The following THEMIS variants were observed in gnomAD, a reference collection of about 807,000 sequenced individuals.
THEMIS encodes thymocyte selection associated.
In THEMIS, 37 loss-of-function variants were observed where a neutral mutation model predicts 52.6. The observed-to-expected ratio is 0.70, with a 90% CI of 0.54 to 0.93. The LOEUF (loss-of-function observed/expected upper bound fraction) is 0.93, where lower values mean the gene tolerates loss of function less well. THEMIS is among the 40% of genes least tolerant of loss of function. The pLI is 0.00. For missense variants in THEMIS, 808 were observed against 763.1 expected (o/e 1.06, Z -0.69); for synonymous variants, 292 against 272.7 (o/e 1.07, Z -0.70).
At chr6:127,824,467 C>T (rs929998527) in intron 3 of THEMIS, among the ~76,000 whole-genome samples, 2 of 152,022 alleles carry the variant, frequency 1.3e-5, no homozygotes, top group East Asian at 3.8e-4. Flanking sequence ...TTCATAAACA[C>T]AGAGCTTATA....
intron 4 of THEMIS, among the ~76,000 whole-genome samples, chr6:127,752,385 T>G (rs958483668): frequency 9.0e-6 from 1 of 111,116 alleles, no homozygotes; most frequent in African/African-American, 3.3e-5. Context: ...TTTGGAAAAA[T>G]AAAATTAGCA....
At chr6:127,892,061 C>T (rs571197413) in intron 1 of THEMIS, among the ~76,000 whole-genome samples, 4 of 152,274 alleles carry the variant, frequency 2.6e-5, no homozygotes, top group Admixed American at 1.3e-4. Flanking sequence ...TCCCTGACCA[C>T]ATTAGTTTAC....
intron 1 of THEMIS, among the ~76,000 whole-genome samples, chr6:127,859,289 T>C (rs1295308085): frequency 6.6e-6 from 1 of 152,120 alleles, no homozygotes; most frequent in African/African-American, 2.4e-5. Flanking sequence ...AAAGCCTTCC[T>C]TGATCCCTAC....
At chr6:127,736,868 G>GA (rs1024080287) in intron 4 of THEMIS, among the ~76,000 whole-genome samples, 1 of 111,440 alleles carries the variant, frequency 9.0e-6, no homozygotes, top group Non-Finnish European at 2.1e-5. Flanking sequence ...AAAAAAAAAA[G>GA]AAAAAATATT....
intron 4 of THEMIS, among the ~76,000 whole-genome samples, chr6:127,752,551 AAG>A (rs999216233): frequency 2.7e-4 from 41 of 151,814 alleles, no homozygotes; most frequent in African/African-American, 9.2e-4. Context: ...ACCAAGAAGA[AAG>A]AGATTTATTC....
chr6:127,742,198 C>G (rs1459756451), intron 4 of THEMIS, among the ~76,000 whole-genome samples: 1 of 151,572 alleles, frequency 6.6e-6, no homozygotes, highest in East Asian at 1.9e-4. Flanking sequence ...GCCTGTAGTC[C>G]CAGCTACTTG....
chr6:127,742,353 CAAAA>C (rs964702157), intron 4 of THEMIS, among the ~76,000 whole-genome samples: 5 of 135,626 alleles, frequency 3.7e-5, no homozygotes, highest in African/African-American at 1.4e-4. Flanking sequence ...AACAAAAAAA[CAAAA>C]AAACAAAACA....
downstream of THEMIS, among the ~76,000 whole-genome samples, chr6:127,706,459 T>C (rs1182331167): frequency 6.6e-6 from 1 of 152,108 alleles, no homozygotes; most frequent in Non-Finnish European, 1.5e-5. Flanking sequence ...GCTTGAGTTC[T>C]CATATTCCTA....
intron 4 of THEMIS, among the ~76,000 whole-genome samples, chr6:127,761,610 A>G (rs1360743180): frequency 6.6e-6 from 1 of 152,176 alleles, no homozygotes; most frequent in Non-Finnish European, 1.5e-5. Flanking sequence ...CCTGCTATAC[A>G]GGACCTGATG....
At chr6:127,737,150 C>A (rs1377328773) in intron 4 of THEMIS, among the ~76,000 whole-genome samples, 1 of 152,146 alleles carries the variant, frequency 6.6e-6, no homozygotes, top group Non-Finnish European at 1.5e-5. Context: ...TGGCAACTAC[C>A]TTTCAGAGTG....
chr6:127,707,191 C>T (rs145885329), downstream of THEMIS, among the ~76,000 whole-genome samples: 176 of 152,170 alleles, frequency 1.2e-3, no homozygotes, highest in African/African-American at 4.0e-3. Context: ...CCCACCAGGT[C>T]CCTCCCATGA....
At chr6:127,730,523 G>A (rs559442563) in intron 4 of THEMIS, among the ~76,000 whole-genome samples, 53 of 147,310 alleles carry the variant, frequency 3.6e-4, no homozygotes, top group African/African-American at 1.0e-3. Context: ...AGGGAGGGAG[G>A]GAAGGAGGAA....
chr6:127,891,538 CAAA>C (rs67886431), intron 1 of THEMIS, among the ~76,000 whole-genome samples: 12 of 96,828 alleles, frequency 1.2e-4, no homozygotes, highest in Non-Finnish European at 1.6e-4. Context: ...TCCAGCTCAA[CAAA>C]AAAAAAAAAA....
At chr6:127,707,505 G>A (rs1773828270), downstream of THEMIS, among the ~76,000 whole-genome samples, 2 of 152,104 alleles carry the variant, frequency 1.3e-5, 1 homozygote, top group South Asian at 4.1e-4. Context: ...ATTGTTACAG[G>A]GTTTTTGCAA....
chr6:127,808,461 T>C (rs1291100530), intron 4 of THEMIS, among the ~76,000 whole-genome samples: 1 of 152,196 alleles, frequency 6.6e-6, no homozygotes, highest in Non-Finnish European at 1.5e-5. Context: ...AGTCACTTTA[T>C]AATATTGTTT....
chr6:127,914,651 TG>T (rs1228852185), intron 1 of THEMIS, among the ~76,000 whole-genome samples: 1 of 152,174 alleles, frequency 6.6e-6, no homozygotes, highest in Non-Finnish European at 1.5e-5. Context: ...AGTGTAAACA[TG>T]GTATTATAAT....
chr6:127,799,529 C>CTCTTTCTT (rs66495087), intron 4 of THEMIS, among the ~76,000 whole-genome samples: 7 of 145,764 alleles, frequency 4.8e-5, no homozygotes, highest in East Asian at 2.0e-4. Context: ...TTCTTTCTTT[C>CTCTTTCTT]TCTTTCTTTC....
intron 1 of THEMIS, among the ~76,000 whole-genome samples, chr6:127,897,302 T>A (rs62426472): frequency 6.6e-6 from 1 of 151,234 alleles, no homozygotes; most frequent in Non-Finnish European, 1.5e-5. Context: ...AACACGAAAG[T>A]GGAAAACTTT....
chr6:127,726,872 G>A (rs901732339), intron 4 of THEMIS, among the ~76,000 whole-genome samples: 2 of 152,126 alleles, frequency 1.3e-5, no homozygotes, highest in African/African-American at 2.4e-5. Flanking sequence ...AGCCAAAGAC[G>A]AAATGAAGAT....
Sources: allele counts gnomAD v4.1 joint callset (sites outside exome capture counted in the v4.1 genomes callset), GRCh38; gene constraint gnomAD v4.1.1; transcripts MANE v1.5; gene names NCBI Gene and HGNC (gene_info 2026-07-23, HGNC 2026-07-21).